The following RORA variants were observed in gnomAD, a reference collection of about 807,000 sequenced individuals.
RORA encodes the protein nuclear receptor ROR-alpha.
In RORA, 7 loss-of-function variants were observed where a neutral mutation model predicts 69.5. That is an observed-to-expected ratio of 0.10 (90% CI 0.06 to 0.19). The LOEUF (loss-of-function observed/expected upper bound fraction) is 0.19. Ranked by LOEUF, RORA falls within the 10% of genes least tolerant of loss-of-function variation. The pLI is 1.00. For synonymous variants in RORA, 261 were observed against 240.8 expected, an observed-to-expected ratio of 1.08 and a Z score of -0.78; for missense variants, 457 against 663.0, an observed-to-expected ratio of 0.69 and a Z score of 3.41.
intron 1 of RORA, among the ~76,000 whole-genome samples, chr15:60,918,990 A>T (rs8028646): frequency 0.68 from 103,742 of 152,062 alleles, 36,121 homozygotes; most frequent in East Asian, 0.87. Flanking sequence ...AGAGAATATA[A>T]GGAAGGCAGA....
At position 61,226,921 on chromosome 15, in the gene RORA, G is replaced by C. The variant is rs1567045479; in HGVS notation, c.166+2132C>G. 6.6e-6 allele frequency among the ~76,000 whole-genome samples: 1 copy of C among 152,112 alleles called. No individual in the cohort carries two copies. Among genetic ancestry groups the C allele is most frequent in the East Asian group, 1.9e-4 (1 of 5,180 alleles). ...GGGGATATGGGTCAGCAGGTCAGCT[G>C]TGCAAGATGTATCCCACTCCTACTA... is the stretch of plus-strand genomic sequence containing the variant. On this transcript the variant is annotated intron_variant, in intron 1 of 10. Coordinates refer to ENST00000335670, the MANE Select transcript of RORA (RefSeq NM_134261.3). The surrounding 1 kb of genome is among the most constrained non-coding windows in gnomAD (Gnocchi z 4.2).
chr15:61,062,330 T>C lies in RORA; in HGVS notation c.166+166723A>G, dbSNP rs566085032. ...AGATGCAGGTCCTGTCTTGCTCCCC[T>C]AGCCCCTAGCCTCAGCCACCCTCTA... On this transcript the variant is annotated intron_variant, in intron 1 of 10. Transcript: ENST00000335670. 8.9e-4 allele frequency among the ~76,000 whole-genome samples: 135 copies of C among 152,314 alleles called. 1 individual carries two copies. The highest frequency in any genetic ancestry group is 1.7e-3 in the Non-Finnish European group (115 of 68,022).
chr15:61,087,693 CTAA>C (rs1448683483), intron 1 of RORA, among the ~76,000 whole-genome samples: 1 of 152,162 alleles, frequency 6.6e-6, no homozygotes, highest in African/African-American at 2.4e-5. Context: ...TCAATTGTCA[CTAA>C]TGTTAATATA....
chr15:60,528,009 A>G (rs1468736595), intron 3 of RORA: 1 of 151,458 alleles, frequency 6.6e-6, no homozygotes, highest in African/African-American at 2.4e-5. Context: ...TGCTAGGCCA[A>G]CTCTCCTTTA....
intron 1 of RORA, among the ~76,000 whole-genome samples, chr15:60,826,374 C>T (rs1048311246): frequency 4.6e-5 from 7 of 152,132 alleles, no homozygotes; most frequent in Non-Finnish European, 7.4e-5. Context: ...ACTTGGGTCC[C>T]GGGTGCTAAA....
chr15:60,963,999 G>C (rs1022611749), intron 1 of RORA, among the ~76,000 whole-genome samples: 2 of 152,238 alleles, frequency 1.3e-5, no homozygotes, highest in African/African-American at 4.8e-5. Context: ...TTTGCAGGCA[G>C]CAGTGTACCT....
intron 1 of RORA, among the ~76,000 whole-genome samples, chr15:61,199,881 G>A (rs2079879124): frequency 6.6e-6 from 1 of 152,194 alleles, no homozygotes; most frequent in Non-Finnish European, 1.5e-5. Context: ...CACAGAACGA[G>A]CTGTGCCGTG....
At chr15:60,777,265 G>A (rs1312873226) in intron 1 of RORA, among the ~76,000 whole-genome samples, 6 of 152,050 alleles carry the variant, frequency 3.9e-5, no homozygotes, top group African/African-American at 7.2e-5. Context: ...AATAAGACCC[G>A]GAACATTAGC....
At chr15:60,768,487 C>A (rs1369825099) in intron 1 of RORA, among the ~76,000 whole-genome samples, 1 of 152,194 alleles carries the variant, frequency 6.6e-6, no homozygotes, top group Non-Finnish European at 1.5e-5. Context: ...AATATGCCTC[C>A]AAATCACTGG....
chr15:60,560,506 C>G (rs1333680788), intron 2 of RORA, among the ~76,000 whole-genome samples: 1 of 151,684 alleles, frequency 6.6e-6, no homozygotes, highest in Non-Finnish European at 1.5e-5. Flanking sequence ...CCAGCCTGGA[C>G]AATATAGTGA....
chr15:61,211,284 C>CA (rs58967697), intron 1 of RORA, among the ~76,000 whole-genome samples: 265 of 93,242 alleles, frequency 2.8e-3, no homozygotes, highest in East Asian at 8.3e-3. Context: ...AAAACAACAG[C>CA]AAAAAAAAAA....
chr15:60,518,232 C>T (rs1324332616), intron 3 of RORA, among the ~76,000 whole-genome samples: 1 of 152,176 alleles, frequency 6.6e-6, no homozygotes, highest in Non-Finnish European at 1.5e-5. Flanking sequence ...ATGGTTGGGT[C>T]ATTAATGAAA....
intron 1 of RORA, among the ~76,000 whole-genome samples, chr15:60,995,081 AAAAG>A (rs1894492787): frequency 6.6e-6 from 1 of 152,252 alleles, no homozygotes. Context: ...GATTTTTAAA[AAAAG>A]AAGAAGAAGA....
chr15:60,761,499 A>C (rs1174136920), intron 1 of RORA, among the ~76,000 whole-genome samples: 2 of 152,182 alleles, frequency 1.3e-5, no homozygotes, highest in African/African-American at 4.8e-5. Context: ...ACTCTCTTTT[A>C]TGATATGTTT....
At chr15:60,993,027 A>G (rs1387913531) in intron 1 of RORA, among the ~76,000 whole-genome samples, 2 of 152,204 alleles carry the variant, frequency 1.3e-5, no homozygotes, top group African/African-American at 2.4e-5. Context: ...CTTCTGATCA[A>G]GCTCTTCTGC....
chr15:61,133,441 G>A (rs1343212402), intron 1 of RORA, among the ~76,000 whole-genome samples: 1 of 152,014 alleles, frequency 6.6e-6, no homozygotes, highest in East Asian at 1.9e-4. Context: ...CAAAACAAAC[G>A]AAACCAAAAA....
intron 2 of RORA, among the ~76,000 whole-genome samples, chr15:60,631,159 G>A (rs938229195): frequency 2.0e-5 from 3 of 152,170 alleles, no homozygotes; most frequent in Non-Finnish European, 4.4e-5. Context: ...CAAAGTTTGG[G>A]ATTACAGGCG....
intron 1 of RORA, among the ~76,000 whole-genome samples, chr15:61,206,603 A>G (rs117859812): frequency 0.016 from 2,475 of 152,266 alleles, 31 homozygotes; most frequent in Non-Finnish European, 0.024. Flanking sequence ...CCCGACCACC[A>G]AACAAGATAT....
intron 2 of RORA, among the ~76,000 whole-genome samples, chr15:60,602,826 G>T (rs1352785131): frequency 6.6e-6 from 1 of 152,110 alleles, no homozygotes; most frequent in Admixed American, 6.5e-5. Flanking sequence ...TTAGGATACA[G>T]TTCTTTGAGT....
Sources: allele counts gnomAD v4.1 joint callset (sites outside exome capture counted in the v4.1 genomes callset), GRCh38; gene constraint gnomAD v4.1.1; non-coding constraint Gnocchi (gnomAD v3.1); transcripts MANE v1.5; gene names NCBI Gene and HGNC (gene_info 2026-07-23, HGNC 2026-07-21).